HLCS: variants seen among roughly 807,000 people sequenced by gnomAD.
The protein encoded by HLCS is holocarboxylase synthetase.
Under a neutral mutation model 75.0 loss-of-function variants are expected in HLCS, and 53 were observed. The ratio of observed to expected loss-of-function variants is 0.71; its 90% CI spans 0.57 to 0.89. The LOEUF is 0.89. HLCS is among the 40% of genes least tolerant of loss of function. The probability of loss-of-function intolerance (pLI) is 0.00; values close to 1 mark genes in which losing one functional copy is unlikely to be tolerated. For synonymous variants in HLCS, 431 were observed against 428.6 expected (o/e 1.01, Z -0.07); for missense variants, 966 against 1,074.0 (o/e 0.90, Z 1.41).
intron 1 of HLCS, among the ~76,000 whole-genome samples, chr21:36,979,520 C>T (rs1313921688): frequency 1.3e-5 from 2 of 152,154 alleles, no homozygotes; most frequent in African/African-American, 4.8e-5. Flanking sequence ...CCATGCCCCT[C>T]TGTTGATACA....
chr21:36,811,085 G>C (rs2061496820), intron 6 of HLCS, among the ~76,000 whole-genome samples: 1 of 151,020 alleles, frequency 6.6e-6, no homozygotes, highest in Non-Finnish European at 1.5e-5. Flanking sequence ...AACACGTTTT[G>C]AAGTACCTAC....
intron 6 of HLCS, among the ~76,000 whole-genome samples, chr21:36,778,183 A>C (rs185467657): frequency 1.3e-5 from 2 of 152,008 alleles, no homozygotes; most frequent in East Asian, 3.9e-4. Flanking sequence ...GTTAGCCAGG[A>C]TGGTCTTGAT....
At chr21:36,947,931 T>C in intron 2 of HLCS, 1 of 985,310 alleles carries the variant, frequency 1.0e-6, no homozygotes, top group Non-Finnish European at 1.2e-6. Flanking sequence ...TAATTCAACG[T>C]GAAATTGTTA....
chr21:36,866,221 A>AG (rs2063550836), intron 6 of HLCS, among the ~76,000 whole-genome samples: 1 of 166 alleles, frequency 6.0e-3, no homozygotes, highest in African/African-American at 0.021. Context: ...AGGGAATGGT[A>AG]AGGGAAGGGC....
At chr21:36,820,369 G>C (rs1407786699) in intron 6 of HLCS, among the ~76,000 whole-genome samples, 1 of 152,198 alleles carries the variant, frequency 6.6e-6, no homozygotes, top group Non-Finnish European at 1.5e-5. Context: ...GCCCAGCCAC[G>C]GCCGGGCCGC....
chr21:36,834,846 A>G (rs2062352544), intron 6 of HLCS, among the ~76,000 whole-genome samples: 2 of 152,152 alleles, frequency 1.3e-5, no homozygotes, highest in African/African-American at 2.4e-5. Flanking sequence ...GAGCCACCAC[A>G]CCTGGCCCCA....
intron 6 of HLCS, among the ~76,000 whole-genome samples, chr21:36,866,729 A>T (rs1421694139): frequency 6.6e-6 from 1 of 152,220 alleles, no homozygotes; most frequent in African/African-American, 2.4e-5. Context: ...TTTCATCTCT[A>T]ACTATCATCT....
In HLCS at chr21:36,750,821, G is replaced by C. The variant is rs185656950; in HGVS notation, c.*3425C>G. 2.6e-5 allele frequency: 4 copies of C among 151,408 alleles called. No homozygotes were observed. The highest frequency in any genetic ancestry group is 9.7e-5 in the African/African-American group (4 of 41,242). The allele number at this position is 151,408 out of a possible 1,614,324, so 9.4% of individuals were successfully genotyped here. A position where few individuals can be genotyped will look rare whatever the true frequency, so the allele number is the denominator to read the frequency against. ...GATTAAAATCTTGGGGGGAAAAACT[G>C]TTCAGATGAAAAGTCAAGTCAAGAA... On this transcript the variant is annotated 3_prime_UTR_variant, in exon 11 of 11. Transcript: ENST00000674895.
chr21:36,802,178 ACTGAGGGCC>A (rs749724744), intron 6 of HLCS, among the ~76,000 whole-genome samples: 13 of 152,286 alleles, frequency 8.5e-5, no homozygotes, highest in Non-Finnish European at 1.6e-4. Flanking sequence ...CCAAGCAGTG[ACTGAGGGCC>A]ACAGGCCTCT....
intron 1 of HLCS, 109 bp downstream of exon 1, chr21:36,966,335 G>T: frequency 2.4e-6 from 1 of 422,824 alleles, no homozygotes; most frequent in Non-Finnish European, 3.2e-6. Context: ...CACTGAGGGC[G>T]CCACTCCGGG....
At chr21:36,900,987 G>A (rs536538250) in intron 5 of HLCS, among the ~76,000 whole-genome samples, 4 of 152,252 alleles carry the variant, frequency 2.6e-5, no homozygotes, top group Non-Finnish European at 5.9e-5. Flanking sequence ...GGGGCTGGGC[G>A]CGGTGGCTCA....
intron 6 of HLCS, among the ~76,000 whole-genome samples, chr21:36,782,151 G>A (rs1047878203): frequency 6.6e-6 from 1 of 152,008 alleles, no homozygotes; most frequent in Non-Finnish European, 1.5e-5. Flanking sequence ...ACAGATTTAA[G>A]TATCAATATT....
At chr21:36,989,691 G>A (rs771166659) in intron 1 of HLCS, among the ~76,000 whole-genome samples, 4 of 151,924 alleles carry the variant, frequency 2.6e-5, no homozygotes, top group Non-Finnish European at 5.9e-5. Flanking sequence ...TTAGGCGCTG[G>A]GTCATTAGGA....
At chr21:36,983,493 G>C (rs995622854) in intron 1 of HLCS, among the ~76,000 whole-genome samples, 1 of 151,744 alleles carries the variant, frequency 6.6e-6, no homozygotes, top group Admixed American at 6.6e-5. Flanking sequence ...TTACAGGCAC[G>C]AGCCACTGCG....
intron 1 of HLCS, among the ~76,000 whole-genome samples, chr21:36,981,453 T>A (rs893984979): frequency 7.2e-6 from 1 of 139,478 alleles, no homozygotes; most frequent in African/African-American, 2.8e-5. Flanking sequence ...CAGCCTGGAG[T>A]GCAGTGGCAC....
intron 1 of HLCS, 115 bp from the exon 2 acceptor site, chr21:36,962,285 G>A: frequency 1.5e-6 from 1 of 652,464 alleles, no homozygotes; most frequent in South Asian, 1.8e-5. Flanking sequence ...ATGGAAATAA[G>A]CTTATCTGAT....
chr21:36,800,828 C>T (rs2145917763), intron 6 of HLCS, among the ~76,000 whole-genome samples: 1 of 152,116 alleles, frequency 6.6e-6, no homozygotes, highest in Non-Finnish European at 1.5e-5. Context: ...CAACGCAAGC[C>T]CAGGTATTAT....
At chr21:36,767,191 C>G (rs1238002092) in intron 7 of HLCS, 27 bp downstream of exon 7, 1 of 1,609,536 alleles carries the variant, frequency 6.2e-7, no homozygotes, top group East Asian at 2.2e-5. Flanking sequence ...ACAGAAGTAA[C>G]AGCAATGATC....
At chr21:36,948,922 G>C (rs2067542816) in intron 2 of HLCS, among the ~76,000 whole-genome samples, 2 of 152,020 alleles carry the variant, frequency 1.3e-5, no homozygotes, top group Non-Finnish European at 2.9e-5. Flanking sequence ...GAAAGGGCAG[G>C]TCTCGCTGAA....
Sources: gnomAD v4.1 joint callset for allele counts (sites outside exome capture counted in the v4.1 genomes callset) on GRCh38, gnomAD v4.1.1 for gene constraint, MANE v1.5 for transcripts, NCBI Gene and HGNC (gene_info 2026-07-23, HGNC 2026-07-21) for gene names.